The following ZNF184 variants were observed in gnomAD, a reference collection of about 807,000 sequenced individuals.
The protein encoded by ZNF184 is zinc finger protein 184 (Kruppel-like).
In ZNF184, 16 loss-of-function variants were observed where a neutral mutation model predicts 54.4. The observed-to-expected ratio is 0.29, with a 90% CI of 0.20 to 0.45. ZNF184 has a LOEUF of 0.45. Among genes scored for constraint, ZNF184 ranks in the 20% least tolerant of loss-of-function variants. The probability of loss-of-function intolerance (pLI) is 1.00; values close to 1 mark genes in which losing one functional copy is unlikely to be tolerated. For synonymous variants in ZNF184, 254 were observed against 295.3 expected, an observed-to-expected ratio of 0.86 and a Z score of 1.43; for missense variants, 681 against 888.2, an observed-to-expected ratio of 0.77 and a Z score of 2.97.
At chr6:27,407,323 G>T in the ZNF184 span, among the ~76,000 whole-genome samples, 3 of 152,344 alleles carry the variant, frequency 2.0e-5, no homozygotes, top group East Asian at 3.9e-4. Context: ...TGTCTCGGCT[G>T]CTTGAGCCAG....
At chr6:27,447,340 T>C (rs1762649314), downstream of ZNF184, among the ~76,000 whole-genome samples, 2 of 152,302 alleles carry the variant, frequency 1.3e-5, no homozygotes, top group South Asian at 4.1e-4. Context: ...CAAAATTCTA[T>C]GGTTTGAATG....
chr6:27,413,342 T>G, the ZNF184 span, among the ~76,000 whole-genome samples: 2 of 152,240 alleles, frequency 1.3e-5, no homozygotes, highest in African/African-American at 4.8e-5. Flanking sequence ...TTTTATGGTT[T>G]GGGGAAAAGC....
At chr6:27,463,618 T>A (rs1194791942) in intron 3 of ZNF184, among the ~76,000 whole-genome samples, 1 of 151,532 alleles carries the variant, frequency 6.6e-6, no homozygotes, top group Non-Finnish European at 1.5e-5. Flanking sequence ...CACAAAAAAA[T>A]TGCACCAAAA....
At chr6:27,470,547 A>G (rs1237442374) in intron 2 of ZNF184, among the ~76,000 whole-genome samples, 1 of 152,232 alleles carries the variant, frequency 6.6e-6, no homozygotes, top group Non-Finnish European at 1.5e-5. Context: ...AGAAGTCTTA[A>G]GAAAAAAATG....
rs1349690665 is a variant in ZNF184, at chr6:27,472,270, C to G, written c.7+18G>C. 6.2e-7 allele frequency: 1 copy of G among 1,614,036 alleles called. No individual in the cohort carries two copies. Among genetic ancestry groups the G allele is most frequent in the South Asian group, 1.1e-5 (1 of 91,066 alleles). ...CAAGCCTCCATCACCCCGCTCTCCC[C>G]CAAGTCGACCCCACTACCTTCCATC... On this transcript the variant is annotated intron_variant, in intron 2 of 5. Coordinates refer to ENST00000683788, the MANE Select transcript of ZNF184 (RefSeq NM_001318891.2). This position sits in a 1 kb window ranked among gnomAD's most constrained non-coding sequence, Gnocchi z 4.8.
chr6:27,472,622 T>C lies in ZNF184; in HGVS notation c.-140+107A>G. 3.0e-6 allele frequency: 1 copy of C among 337,230 alleles called. No homozygotes were observed. The highest frequency in any genetic ancestry group is 3.8e-5 in the South Asian group (1 of 26,384). The allele number at this position is 337,230 out of a possible 1,614,324, so 20.9% of individuals were successfully genotyped here. A position where few individuals can be genotyped will look rare whatever the true frequency, so the allele number is the denominator to read the frequency against. On this transcript the variant is annotated intron_variant, in intron 1 of 5. Coordinates refer to ENST00000683788, the MANE Select transcript of ZNF184 (RefSeq NM_001318891.2). The surrounding 1 kb of genome is among the most constrained non-coding windows in gnomAD (Gnocchi z 4.8). Reference sequence around the variant, plus strand: ...TTCTGCTTCAGATCCAAAAAACCCTTGGTGCCCACCCTAGAATCTGGCCGG... The same window carrying C: ...TTCTGCTTCAGATCCAAAAAACCCTCGGTGCCCACCCTAGAATCTGGCCGG...
chr6:27,428,761 G>A, the ZNF184 span, among the ~76,000 whole-genome samples: 1 of 152,142 alleles, frequency 6.6e-6, no homozygotes, highest in Non-Finnish European at 1.5e-5. This position sits in a 1 kb window ranked among gnomAD's most constrained non-coding sequence, Gnocchi z 4.1. Context: ...CTAGTGATAC[G>A]ATATTACATA....
the ZNF184 span, among the ~76,000 whole-genome samples, chr6:27,420,831 C>G: frequency 6.6e-6 from 1 of 152,170 alleles, no homozygotes; most frequent in South Asian, 2.1e-4. Flanking sequence ...ATTACAAAAA[C>G]ATGGAAGTAA....
chr6:27,435,320 T>C, the ZNF184 span, among the ~76,000 whole-genome samples: 2 of 152,232 alleles, frequency 1.3e-5, no homozygotes, highest in Non-Finnish European at 2.9e-5. Context: ...TAATTTCTTT[T>C]GGTAGTGTTT....
In ZNF184 at chr6:27,472,379, C is replaced by G. The variant is rs1429290508; in HGVS notation, c.-85G>C. 1 of 1,578,570 alleles carries G rather than the reference C, an allele frequency of 6.3e-7. No homozygotes were observed. Among genetic ancestry groups the G allele is most frequent in the Non-Finnish European group, 8.7e-7 (1 of 1,150,564 alleles). On this transcript the variant is annotated 5_prime_UTR_variant, in exon 2 of 6. Transcript: ENST00000683788. The surrounding 1 kb of genome is among the most constrained non-coding windows in gnomAD (Gnocchi z 4.8). The stretch of plus-strand genomic sequence containing the variant: ...CTTCAGCTGGTATCTCGGTCTAGGA[C>G]TCAGATGTCTAACTCCCCTTGCAGG...
Position 27,472,404 on chromosome 6 carries a change from G to C in ZNF184, c.-110C>G, listed in dbSNP as rs1763300367. ...CTCAGATGTCTAACTCCCCTTGCAG[G>C]GAATCTGCAACACGCTGAGGTTGTC... On this transcript the variant is annotated 5_prime_UTR_variant, in exon 2 of 6. Coordinates refer to ENST00000683788, the MANE Select transcript of ZNF184 (RefSeq NM_001318891.2). This position sits in a 1 kb window ranked among gnomAD's most constrained non-coding sequence, Gnocchi z 4.8. 9.2e-6 allele frequency: 13 copies of C among 1,410,504 alleles called. No individual in the cohort carries two copies. Among genetic ancestry groups the C allele is most frequent in the Non-Finnish European group, 1.3e-5 (13 of 1,006,546 alleles). The allele number at this position is 1,410,504 out of a possible 1,614,324, so 87.4% of individuals were successfully genotyped here. A position where few individuals can be genotyped will look rare whatever the true frequency, so the allele number is the denominator to read the frequency against.
chr6:27,424,211 C>T, the ZNF184 span, among the ~76,000 whole-genome samples: 3 of 152,288 alleles, frequency 2.0e-5, no homozygotes, highest in East Asian at 5.8e-4. Flanking sequence ...GTTGTTCGTT[C>T]TTCACGGTGA....
the ZNF184 span, among the ~76,000 whole-genome samples, chr6:27,411,827 G>A: frequency 6.6e-6 from 1 of 152,378 alleles, no homozygotes; most frequent in South Asian, 2.1e-4. Flanking sequence ...CTGTCAGCCA[G>A]CAGGTGGAGG....
rs1763304597 is a variant in ZNF184, at chr6:27,472,542, A to G, written c.-139-109T>C. The G allele has an allele frequency of 1.9e-6, 1 of 525,162 alleles. No individual in the cohort carries two copies. The highest frequency in any genetic ancestry group is 3.4e-6 in the Non-Finnish European group (1 of 290,016). The allele number at this position is 525,162 out of a possible 1,614,324, so 32.5% of individuals were successfully genotyped here. Reference sequence around the variant, plus strand: ...AAGAGAAGTGCCCCAAGAGAGCACTAGAGAGGTGTGTGGCACTCCGATGAA... The same window carrying G: ...AAGAGAAGTGCCCCAAGAGAGCACTGGAGAGGTGTGTGGCACTCCGATGAA... On this transcript the variant is annotated intron_variant, in intron 1 of 5. Transcript: ENST00000683788. The surrounding 1 kb of genome is among the most constrained non-coding windows in gnomAD (Gnocchi z 4.8).
the ZNF184 span, among the ~76,000 whole-genome samples, chr6:27,424,153 G>A: frequency 1.3e-5 from 2 of 152,182 alleles, no homozygotes; most frequent in African/African-American, 2.4e-5. Context: ...AAGTGAAGCT[G>A]CAGACCTTTG....
intron 5 of ZNF184, among the ~76,000 whole-genome samples, chr6:27,455,727 C>A (rs1762836755): frequency 6.6e-6 from 1 of 152,028 alleles, no homozygotes; most frequent in South Asian, 2.1e-4. Flanking sequence ...AAAAAAAAAT[C>A]TCTGAGTGGT....
rs1762783152 is a variant in ZNF184 at position 27,453,371 on chromosome 6, T to G, written c.299-111A>C. 8.9e-7 allele frequency: 1 copy of G among 1,128,978 alleles called. No individual in the cohort carries two copies. Among genetic ancestry groups the G allele is most frequent in the African/African-American group, 1.6e-5 (1 of 62,744 alleles). The allele number at this position is 1,128,978 out of a possible 1,614,324, so 69.9% of individuals were successfully genotyped here. On this transcript the variant is annotated intron_variant, in intron 5 of 5. Coordinates refer to ENST00000683788, the MANE Select transcript of ZNF184 (RefSeq NM_001318891.2). The surrounding 1 kb of genome is among the most constrained non-coding windows in gnomAD (Gnocchi z 4.7). ...TAAATCTCTCAGAAAATTCTAATGG[T>G]TTTCAAATATATAGCCATATTATTT...
At chr6:27,404,510 G>A in the ZNF184 span, 1 of 152,140 alleles carries the variant, frequency 6.6e-6, no homozygotes, top group Non-Finnish European at 1.5e-5. Flanking sequence ...TATTTACTGG[G>A]TACCAGAAGA....
chr6:27,462,238 C>T (rs781552110), intron 3 of ZNF184, among the ~76,000 whole-genome samples: 18 of 151,754 alleles, frequency 1.2e-4, no homozygotes, highest in Non-Finnish European at 2.1e-4. Flanking sequence ...CTCTCTGTTG[C>T]GCAGCCTGGA....
Sources: gnomAD v4.1 joint callset for allele counts (sites outside exome capture counted in the v4.1 genomes callset) on GRCh38, gnomAD v4.1.1 for gene constraint, Gnocchi (gnomAD v3.1) non-coding constraint, MANE v1.5 for transcripts, NCBI Gene and HGNC (gene_info 2026-07-23, HGNC 2026-07-21) for gene names.